ATXN7: variants seen among roughly 807,000 people sequenced by gnomAD.
ATXN7 encodes the protein ataxin 7, also known as ataxin-7.
In ATXN7, 12 loss-of-function variants were observed where a neutral mutation model predicts 70.5. That is an observed-to-expected ratio of 0.17 (90% CI 0.11 to 0.28). The LOEUF is 0.28. ATXN7 is among the 10% of genes least tolerant of loss of function. The pLI is 1.00. For missense variants in ATXN7, 1,256 were observed against 1,131.7 expected (o/e 1.11, Z -1.58); for synonymous variants, 498 against 448.7 (o/e 1.11, Z -1.39).
intron 1 of ATXN7, among the ~76,000 whole-genome samples, chr3:63,886,362 A>T (rs1703086346): frequency 6.6e-6 from 1 of 152,216 alleles, no homozygotes; most frequent in African/African-American, 2.4e-5. Context: ...AGTTAATAAT[A>T]CTGTATACTT....
At chr3:63,971,680 T>C (rs2075315252) in intron 5 of ATXN7, among the ~76,000 whole-genome samples, 1 of 152,142 alleles carries the variant, frequency 6.6e-6, no homozygotes, top group African/African-American at 2.4e-5. Flanking sequence ...TATACATATA[T>C]ATATAAAAAA....
chr3:63,875,379 A>G (rs1400726392), intron 1 of ATXN7, among the ~76,000 whole-genome samples: 1 of 152,176 alleles, frequency 6.6e-6, no homozygotes, highest in African/African-American at 2.4e-5. Context: ...GGTGTGAGCC[A>G]CTGTGCCCAG....
At chr3:63,985,338 T>C (rs1031326488) in intron 8 of ATXN7, among the ~76,000 whole-genome samples, 16 of 152,232 alleles carry the variant, frequency 1.1e-4, no homozygotes, top group Non-Finnish European at 2.1e-4. Context: ...CTCCGTGGCA[T>C]TGGGCTAAGC....
chr3:63,970,337 GC>G (rs1341321248), intron 5 of ATXN7, among the ~76,000 whole-genome samples: 8 of 152,052 alleles, frequency 5.3e-5, no homozygotes, highest in African/African-American at 1.9e-4. Flanking sequence ...CATAAAAAGG[GC>G]GTCCTTCAGG....
chr3:63,900,784 T>G (rs1575866266), intron 2 of ATXN7: 2 of 152,392 alleles, frequency 1.3e-5, no homozygotes, highest in South Asian at 4.1e-4. Flanking sequence ...AATGCTTTTT[T>G]GAATATTATA....
chr3:63,872,130 C>T (rs1025536065), intron 1 of ATXN7, among the ~76,000 whole-genome samples: 6 of 151,882 alleles, frequency 4.0e-5, no homozygotes, highest in African/African-American at 7.2e-5. Context: ...GAATGAGAAA[C>T]GTAACCACAT....
At chr3:63,894,814 G>A (rs1371432969) in intron 1 of ATXN7, among the ~76,000 whole-genome samples, 4 of 152,200 alleles carry the variant, frequency 2.6e-5, no homozygotes, top group African/African-American at 7.2e-5. Context: ...ATGAGCCACT[G>A]TGCCCCAGCC....
At chr3:63,990,543 G>C (rs1004501744) in intron 10 of ATXN7, 169 bp downstream of exon 10, 1 of 1,142,118 alleles carries the variant, frequency 8.8e-7, no homozygotes, top group Admixed American at 2.1e-5. Context: ...CTGTACGGGG[G>C]ACATCTCGTG....
In ATXN7 at chr3:63,916,425, C is replaced by G. The variant is rs73834137; in HGVS notation, c.394+3200C>G. Among the ~76,000 whole-genome samples the G allele has an allele frequency of 2.2e-4, 34 of 152,312 alleles. 1 individual carries two copies. The South Asian group carries it at 7.0e-3, about 32-fold the overall frequency. The stretch of plus-strand genomic sequence containing the variant: ...TGGATTCTCAAAAGGATCATTTACA[C>G]GTCCCCACCCCTAAAATTCAAAACT... On this transcript the variant is annotated intron_variant, in intron 4 of 12. Coordinates refer to ENST00000674280, the MANE Select transcript of ATXN7 (RefSeq NM_001377405.1).
At chr3:63,949,256 CTTTT>C (rs763880324) in intron 4 of ATXN7, among the ~76,000 whole-genome samples, 3 of 135,254 alleles carry the variant, frequency 2.2e-5, no homozygotes, top group Non-Finnish European at 3.2e-5. Context: ...TATAGAATTC[CTTTT>C]TTTTTTTTTT....
chr3:63,878,094 G>C (rs1702798188), intron 1 of ATXN7, among the ~76,000 whole-genome samples: 2 of 152,194 alleles, frequency 1.3e-5, no homozygotes, highest in Admixed American at 1.3e-4. Context: ...CAGGTGGCTA[G>C]TAATAGGAGA....
chr3:63,883,626 A>G (rs188002688), intron 1 of ATXN7, among the ~76,000 whole-genome samples: 17 of 152,332 alleles, frequency 1.1e-4, no homozygotes, highest in Admixed American at 8.5e-4. Flanking sequence ...TAACTATTCT[A>G]TTTAAACATA....
intron 1 of ATXN7, among the ~76,000 whole-genome samples, chr3:63,866,122 T>C (rs1665710053): frequency 6.6e-6 from 1 of 152,220 alleles, no homozygotes; most frequent in African/African-American, 2.4e-5. Context: ...CAAACATTTC[T>C]ATAAGTTAAT....
rs1161192136 is a variant in ATXN7, at chr3:63,980,013, G to T, written c.598G>T (p.Ala200Ser). The stretch of plus-strand genomic sequence containing the variant: ...TCTGTCCAAAAGCAAAGGAGGCAGT[G>T]CAAGTGGAAGCAACCGTTCTTCCAG... ...PSLSKSKGGS[A>S]SGSNRSSSGG... Residue 200 changes from alanine (A) to serine (S), a missense_variant, in exon 6 of 13, where the codon GCA becomes TCA. Ala to Ser is a moderately conservative substitution (Grantham distance 99). Coordinates refer to ENST00000674280, the MANE Select transcript of ATXN7 (RefSeq NM_001377405.1). 6.2e-7 allele frequency: 1 copy of T among 1,614,164 alleles called. No homozygotes were observed. The highest frequency in any genetic ancestry group is 8.5e-7 in the Non-Finnish European group (1 of 1,180,034).
upstream of ATXN7, chr3:63,863,665 G>A: frequency 8.1e-7 from 1 of 1,228,186 alleles, no homozygotes. Flanking sequence ...TGGCGAAGAG[G>A]CCGGGGAGGC....
intron 12 of ATXN7, 139 bp downstream of exon 12, chr3:63,996,622 A>T: frequency 1.2e-6 from 1 of 833,168 alleles, no homozygotes; most frequent in East Asian, 3.4e-5. Flanking sequence ...CTTCTTAAAA[A>T]AAAAAAAAAA....
intron 4 of ATXN7, among the ~76,000 whole-genome samples, chr3:63,935,059 T>A (rs2074633578): frequency 6.6e-6 from 1 of 152,184 alleles, no homozygotes; most frequent in Admixed American, 6.5e-5. Context: ...GCACAGTGCC[T>A]GGTATGTAGA....
intron 5 of ATXN7, among the ~76,000 whole-genome samples, 158 bp downstream of exon 5, chr3:63,952,641 T>C (rs2074973182): frequency 6.6e-6 from 1 of 152,132 alleles, no homozygotes; most frequent in Non-Finnish European, 1.5e-5. Context: ...TATCAGATGT[T>C]GGGTATTTTT....
chr3:63,929,066 G>C (rs1294816550), intron 4 of ATXN7, among the ~76,000 whole-genome samples: 1 of 152,120 alleles, frequency 6.6e-6, no homozygotes, highest in Non-Finnish European at 1.5e-5. Flanking sequence ...GGTTAACTCT[G>C]AGAAAGCAAA....
Sources: gnomAD v4.1 joint callset for allele counts (sites outside exome capture counted in the v4.1 genomes callset) on GRCh38, gnomAD v4.1.1 for gene constraint, MANE v1.5 for transcripts, NCBI Gene and HGNC (gene_info 2026-07-23, HGNC 2026-07-21) for gene names.